Variants in TCF12 observed in about 807,000 individuals in gnomAD.
The protein encoded by TCF12 is transcription factor 12, also known as DNA-binding protein HTF4.
In TCF12, 45 loss-of-function variants were observed where a neutral mutation model predicts 86.0. That is an observed-to-expected ratio of 0.52 (90% CI 0.41 to 0.67). The LOEUF is 0.67. TCF12 is among the 30% of genes least tolerant of loss of function. The probability of loss-of-function intolerance (pLI) is 0.00; values close to 1 mark genes in which losing one functional copy is unlikely to be tolerated. For synonymous variants in TCF12, 330 were observed against 299.6 expected (o/e 1.10, Z -1.05); for missense variants, 881 against 859.9 (o/e 1.02, Z -0.31).
In TCF12 at chr15:57,187,939, A is replaced by G. The variant is rs1178053573; in HGVS notation, c.391-4219A>G. Among the ~76,000 whole-genome samples, 7 of 152,264 alleles carry G rather than the reference A, an allele frequency of 4.6e-5. No homozygotes were observed. In the South Asian group the frequency reaches 6.2e-4, roughly 14 times the overall value. On this transcript the variant is annotated intron_variant, in intron 6 of 20. Transcript: ENST00000333725. ...GATGATAGAGTGAGACTCCATCTCAAAAAAATAAAAAATAAACAGATTAGC... is the reference window on the plus strand; with the variant it reads ...GATGATAGAGTGAGACTCCATCTCAGAAAAATAAAAAATAAACAGATTAGC...
At chr15:57,188,968 T>G (rs889086605) in intron 6 of TCF12, among the ~76,000 whole-genome samples, 4 of 152,162 alleles carry the variant, frequency 2.6e-5, no homozygotes, top group Admixed American at 6.5e-5. Context: ...TTTTAATTTT[T>G]TGTAGAGATG....
chr15:57,166,988 T>C (rs2054943200), intron 6 of TCF12, among the ~76,000 whole-genome samples: 1 of 152,198 alleles, frequency 6.6e-6, no homozygotes, highest in African/African-American at 2.4e-5. Flanking sequence ...TTTTTCCTCA[T>C]ATCTTTAGAC....
At chr15:57,257,956 ACTG>A (rs1203524378) in intron 16 of TCF12, among the ~76,000 whole-genome samples, 1 of 152,192 alleles carries the variant, frequency 6.6e-6, no homozygotes, top group Non-Finnish European at 1.5e-5. Context: ...TTTAGAATAA[ACTG>A]CTGAGAAGAA....
intron 3 of TCF12, among the ~76,000 whole-genome samples, chr15:56,974,797 T>TC (rs2062517742): frequency 6.6e-6 from 1 of 152,114 alleles, no homozygotes; most frequent in Non-Finnish European, 1.5e-5. Flanking sequence ...TATTTTTTTT[T>TC]CTCTACCAAC....
chr15:57,282,269 G>A, intron 19 of TCF12, 176 bp from the exon 20 acceptor site: 1 of 687,234 alleles, frequency 1.5e-6, no homozygotes, highest in Middle Eastern at 3.9e-4. Flanking sequence ...TCACTTAGAA[G>A]TATAAATCTG....
chr15:57,102,250 T>G (rs1481485162), intron 5 of TCF12, among the ~76,000 whole-genome samples: 1 of 152,196 alleles, frequency 6.6e-6, no homozygotes, highest in Non-Finnish European at 1.5e-5. Context: ...CTCTAGATAA[T>G]TTAACAAAAA....
chr15:57,037,382 A>C (rs1351288303), intron 3 of TCF12, among the ~76,000 whole-genome samples: 1 of 152,182 alleles, frequency 6.6e-6, no homozygotes, highest in East Asian at 1.9e-4. Context: ...CAGAGGTTAC[A>C]GTGAGCCGAG....
chr15:57,091,887 G>A lies in TCF12; in HGVS notation c.321G>A (p.Leu107=), dbSNP rs74414664. ...CAACACCTTTCATGAACTCAAATCTGATGGGTAAGTTGGTAATTCTCTGCA... is the reference window on the plus strand; with the variant it reads ...CAACACCTTTCATGAACTCAAATCTAATGGGTAAGTTGGTAATTCTCTGCA... The part of the protein sequence containing the change: ...LSPTPFMNSN[L]MGKTSERGSF... Residue 107 remains leucine, a synonymous_variant, in exon 5 of 21, where the codon CTG becomes CTA. Coordinates refer to ENST00000333725, the MANE Select transcript of TCF12 (RefSeq NM_207037.2). 2.0e-4 allele frequency: 321 copies of A among 1,612,932 alleles called. No individual in the cohort carries two copies. Among genetic ancestry groups the A allele is most frequent in the Non-Finnish European group, 2.6e-4 (301 of 1,179,054 alleles).
intron 6 of TCF12, among the ~76,000 whole-genome samples, chr15:57,188,984 G>A (rs150144800): frequency 0.012 from 1,760 of 152,182 alleles, 32 homozygotes; most frequent in African/African-American, 0.04. Context: ...AGATGGGACC[G>A]CCCTATGTGG....
chr15:56,962,550 A>G (rs1348589389), intron 3 of TCF12, among the ~76,000 whole-genome samples: 5 of 152,216 alleles, frequency 3.3e-5, no homozygotes, highest in Non-Finnish European at 7.3e-5. Flanking sequence ...ACATGAAGAA[A>G]AAGACTAGAA....
chr15:56,970,792 G>C (rs1310473194), intron 3 of TCF12, among the ~76,000 whole-genome samples: 1 of 152,152 alleles, frequency 6.6e-6, no homozygotes, highest in East Asian at 1.9e-4. Flanking sequence ...GCTCATGCCT[G>C]TAATCTCAGC....
intron 3 of TCF12, among the ~76,000 whole-genome samples, chr15:57,031,078 A>G (rs565673580): frequency 3.9e-5 from 6 of 152,356 alleles, no homozygotes; most frequent in African/African-American, 1.2e-4. Context: ...CTTGTCTTCT[A>G]AATTAAGAAT....
intron 13 of TCF12, chr15:57,246,915 T>A: frequency 6.0e-6 from 3 of 503,774 alleles, no homozygotes; most frequent in Admixed American, 4.2e-5. Flanking sequence ...TGACAACTCC[T>A]CGTTCTCTCT....
chr15:57,049,714 C>T (rs2067484220), intron 3 of TCF12, among the ~76,000 whole-genome samples: 1 of 152,106 alleles, frequency 6.6e-6, no homozygotes, highest in South Asian at 2.1e-4. Context: ...TTTTCATTTA[C>T]CGTGAACTGG....
chr15:57,062,264 T>A (rs1458962393), intron 3 of TCF12, among the ~76,000 whole-genome samples: 2 of 152,046 alleles, frequency 1.3e-5, no homozygotes, highest in African/African-American at 4.8e-5. Flanking sequence ...CCGGTAACAG[T>A]GTTTTTTACA....
chr15:57,082,482 A>AT (rs1423429691), intron 4 of TCF12, among the ~76,000 whole-genome samples: 1 of 152,212 alleles, frequency 6.6e-6, no homozygotes, highest in East Asian at 1.9e-4. Flanking sequence ...TGTCTTGAAC[A>AT]TTTTTTATGG....
chr15:57,041,492 GT>G (rs1208791343), intron 3 of TCF12, among the ~76,000 whole-genome samples: 13 of 152,234 alleles, frequency 8.5e-5, no homozygotes, highest in African/African-American at 2.9e-4. Context: ...AAGCTAAAGT[GT>G]TCTTTCATGC....
At chr15:57,083,631 C>T (rs1432709673) in intron 4 of TCF12, among the ~76,000 whole-genome samples, 1 of 152,030 alleles carries the variant, frequency 6.6e-6, no homozygotes, top group African/African-American at 2.4e-5. Context: ...GCTTCCCATG[C>T]TGGAATGCAG....
intron 8 of TCF12, among the ~76,000 whole-genome samples, chr15:57,228,670 G>A (rs2058996392): frequency 2.0e-5 from 3 of 151,872 alleles, no homozygotes; most frequent in African/African-American, 7.2e-5. Flanking sequence ...CTTTTATTTA[G>A]CAGCGATTTG....
Sources: allele counts gnomAD v4.1 joint callset (sites outside exome capture counted in the v4.1 genomes callset), GRCh38; gene constraint gnomAD v4.1.1; transcripts MANE v1.5; gene names NCBI Gene and HGNC (gene_info 2026-07-23, HGNC 2026-07-21).